TIMP2: variants seen among roughly 807,000 people sequenced by gnomAD.
The protein encoded by TIMP2 is TIMP metallopeptidase inhibitor 2, also known as metalloproteinase inhibitor 2.
In TIMP2, 5 loss-of-function variants were observed where a neutral mutation model predicts 24.3. The observed-to-expected ratio is 0.21, with a 90% CI of 0.11 to 0.43. TIMP2 has a LOEUF of 0.43. Ranked by LOEUF, TIMP2 falls within the 20% of genes least tolerant of loss-of-function variation. The pLI is 1.00. For missense variants in TIMP2, 221 were observed against 297.5 expected (o/e 0.74, Z 1.89); for synonymous variants, 130 against 123.2 (o/e 1.06, Z -0.37).
Position 78,855,943 on chromosome 17 carries a change from A to G in TIMP2, c.466-79T>C, listed in dbSNP as rs1004962233. On this transcript the variant is annotated intron_variant, in intron 4 of 4. Coordinates refer to ENST00000262768, the MANE Select transcript of TIMP2 (RefSeq NM_003255.5). The surrounding 1 kb of genome is among the most constrained non-coding windows in gnomAD (Gnocchi z 6.0). ...CAGAGGCTGCTCTGGGGGCATGTCC[A>G]GAACCCGGCAATGTGCCTACCTGTC... is the stretch of plus-strand genomic sequence containing the variant. 20 of 1,437,708 alleles carry G rather than the reference A, an allele frequency of 1.4e-5. No individual in the cohort carries two copies. In the African/African-American group the frequency reaches 2.7e-4, roughly 19 times the overall value. 89.1% of individuals were successfully genotyped at this position (1,437,708 alleles called of 1,614,324 possible). A position where few individuals can be genotyped will look rare whatever the true frequency, so the allele number is the denominator to read the frequency against.
Position 78,896,503 on chromosome 17 carries a change from G to A in TIMP2, c.131-22584C>T, listed in dbSNP as rs1463405317. ...CTCCCAGAGGCACCTGCCCTCTCTG[G>A]TTGCTTAGAATATTCTAGAAGGGGC... On this transcript the variant is annotated intron_variant, in intron 1 of 4. Coordinates refer to ENST00000262768, the MANE Select transcript of TIMP2 (RefSeq NM_003255.5). This position sits in a 1 kb window ranked among gnomAD's most constrained non-coding sequence, Gnocchi z 4.4. 6.6e-6 allele frequency among the ~76,000 whole-genome samples: 1 copy of A among 152,150 alleles called. No individual in the cohort carries two copies.
chr17:78,861,313 T>C lies in TIMP2; in HGVS notation c.341-3667A>G, dbSNP rs189926982. Among the ~76,000 whole-genome samples, 1,095 of 152,312 alleles carry C rather than the reference T, an allele frequency of 7.2e-3. 15 individuals carry two copies. The highest frequency in any genetic ancestry group is 0.01 in the Middle Eastern group (3 of 292). ...CACTGTATGTATCACTTGACCAGCA[T>C]TAACTCCCACTTTCTATTAGATTTG... On this transcript the variant is annotated intron_variant, in intron 3 of 4. Coordinates refer to ENST00000262768, the MANE Select transcript of TIMP2 (RefSeq NM_003255.5).
intron 4 of TIMP2, chr17:78,856,399 T>A (rs763158969): frequency 6.3e-6 from 1 of 158,988 alleles, no homozygotes; most frequent in Admixed American, 5.9e-5. Flanking sequence ...CTGGAGACTA[T>A]GAGTTCAGAA....
intron 1 of TIMP2, among the ~76,000 whole-genome samples, chr17:78,884,560 C>CTCCCCTT (rs1555649919): frequency 2.0e-5 from 3 of 152,164 alleles, no homozygotes; most frequent in African/African-American, 7.2e-5. Flanking sequence ...GAGGTCCCCA[C>CTCCCCTT]TCCCCTTTCC....
intron 1 of TIMP2, among the ~76,000 whole-genome samples, chr17:78,883,703 C>T (rs2069799157): frequency 6.6e-6 from 1 of 152,182 alleles, no homozygotes; most frequent in African/African-American, 2.4e-5. Flanking sequence ...GACCAGCTCT[C>T]CCATCTCACT....
At chr17:78,870,086 A>G (rs1329363839) in intron 3 of TIMP2, among the ~76,000 whole-genome samples, 4 of 152,198 alleles carry the variant, frequency 2.6e-5, no homozygotes, top group African/African-American at 9.7e-5. Context: ...ATGGTTGCAC[A>G]ATAGCGAATG....
In TIMP2 at chr17:78,896,007, G is replaced by A. The variant is rs758114534; in HGVS notation, c.131-22088C>T. Among the ~76,000 whole-genome samples, 7 of 152,250 alleles carry A rather than the reference G, an allele frequency of 4.6e-5. No individual in the cohort carries two copies. Among genetic ancestry groups the A allele is most frequent in the Admixed American group, 6.5e-5 (1 of 15,286 alleles). ...GGCGTGGGCATCCCAATGAAGCAGC[G>A]TCAGTTTTCCTGGAGACACGCAAAC... On this transcript the variant is annotated intron_variant, in intron 1 of 4. Transcript: ENST00000262768. This position sits in a 1 kb window ranked among gnomAD's most constrained non-coding sequence, Gnocchi z 4.4.
intron 1 of TIMP2, chr17:78,901,265 T>C (rs4789863): frequency 0.96 from 148,398 of 155,202 alleles, 70,951 homozygotes; most frequent in South Asian, 0.97. Flanking sequence ...GCTCTAGAAA[T>C]GGCCAATTTG....
At position 78,873,936 on chromosome 17, in the gene TIMP2, A is replaced by G. The variant is rs1289277395; in HGVS notation, c.131-17T>C. 6.2e-7 allele frequency: 1 copy of G among 1,610,942 alleles called. No individual in the cohort carries two copies. The highest frequency in any genetic ancestry group is 8.5e-7 in the Non-Finnish European group (1 of 1,178,896). On this transcript the variant is annotated splice_polypyrimidine_tract_variant and intron_variant, in intron 1 of 4. Coordinates refer to ENST00000262768, the MANE Select transcript of TIMP2 (RefSeq NM_003255.5). The stretch of plus-strand genomic sequence containing the variant: ...CCCTGATCACTGCAAAACACAAGAC[A>G]CAGAGGTGAGGAGAGTTCCTGAAAC...
intron 1 of TIMP2, among the ~76,000 whole-genome samples, chr17:78,914,075 G>A (rs535391497): frequency 7.9e-5 from 12 of 152,136 alleles, no homozygotes; most frequent in South Asian, 4.2e-4. Flanking sequence ...GGAGAGAGGC[G>A]GAAGGGACGG....
intron 1 of TIMP2, among the ~76,000 whole-genome samples, chr17:78,900,698 G>C (rs1387627197): frequency 6.6e-6 from 1 of 152,182 alleles, no homozygotes; most frequent in Non-Finnish European, 1.5e-5. Context: ...GGGGGAGGTG[G>C]AAAATTGTTG....
Position 78,875,157 on chromosome 17 carries a change from C to T in TIMP2, c.131-1238G>A, listed in dbSNP as rs375811223. The stretch of plus-strand genomic sequence containing the variant: ...CCTCCCAAAGTGCTGAGATTACAGG[C>T]GTGAGCCACTGCGCCCAGCCTGGGT... On this transcript the variant is annotated intron_variant, in intron 1 of 4. Transcript: ENST00000262768. 1.1e-4 allele frequency among the ~76,000 whole-genome samples: 16 copies of T among 152,288 alleles called. 3 individuals carry two copies. The highest frequency in any genetic ancestry group is 3.9e-4 in the East Asian group (2 of 5,186).
At chr17:78,904,527 G>A (rs2145788171) in intron 1 of TIMP2, 1 of 152,258 alleles carries the variant, frequency 6.6e-6, no homozygotes, top group South Asian at 2.1e-4. Flanking sequence ...TCTGGTCCCT[G>A]ACTCAGGGAA....
Position 78,919,903 on chromosome 17 carries a change from A to G in TIMP2, c.130+5056T>C, listed in dbSNP as rs1029985437. Among the ~76,000 whole-genome samples the G allele has an allele frequency of 2.0e-5, 3 of 152,258 alleles. No homozygotes were observed. The East Asian group carries it at 5.8e-4, about 29-fold the overall frequency. On this transcript the variant is annotated intron_variant, in intron 1 of 4. Transcript: ENST00000262768. ...ACTTGCCCTCCGTCCCTGGTTTGTG[A>G]GCCTGTGCGTGCACCGGGGGACAGA...
At chr17:78,870,055 A>C (rs1463643764) in intron 3 of TIMP2, among the ~76,000 whole-genome samples, 1 of 152,158 alleles carries the variant, frequency 6.6e-6, no homozygotes, top group Non-Finnish European at 1.5e-5. Flanking sequence ...GTTTGGGAAG[A>C]TGTGGAGACA....
chr17:78,858,112 A>G (rs910993260), intron 3 of TIMP2, among the ~76,000 whole-genome samples: 4 of 151,630 alleles, frequency 2.6e-5, no homozygotes, highest in African/African-American at 7.3e-5. Context: ...GCCATAATGC[A>G]TGTTCACTGA....
At chr17:78,914,096 G>C (rs938239517) in intron 1 of TIMP2, among the ~76,000 whole-genome samples, 1 of 152,072 alleles carries the variant, frequency 6.6e-6, no homozygotes, top group Non-Finnish European at 1.5e-5. Context: ...CTTCCTCTGC[G>C]AGGGTGCAAG....
intron 1 of TIMP2, 28 bp from the exon 2 acceptor site, chr17:78,873,947 G>A (rs114990207): frequency 1.1e-5 from 17 of 1,603,624 alleles, no homozygotes; most frequent in Non-Finnish European, 1.4e-5. Flanking sequence ...CAGAGGTGAG[G>A]AGAGTTCCTG....
intron 1 of TIMP2, among the ~76,000 whole-genome samples, chr17:78,913,687 G>T (rs1276724217): frequency 4.0e-5 from 6 of 151,818 alleles, no homozygotes; most frequent in Non-Finnish European, 8.8e-5. Flanking sequence ...CTCCAGCCTG[G>T]GTGACAGAGC....
Sources: allele counts gnomAD v4.1 joint callset (sites outside exome capture counted in the v4.1 genomes callset), GRCh38; gene constraint gnomAD v4.1.1; non-coding constraint Gnocchi (gnomAD v3.1); transcripts MANE v1.5; gene names NCBI Gene and HGNC (gene_info 2026-07-23, HGNC 2026-07-21).